Variants in FAAH2 observed in about 807,000 individuals in gnomAD.
FAAH2 encodes fatty acid amide hydrolase 2.
In FAAH2, 60 loss-of-function variants were observed where a neutral mutation model predicts 36.9. The observed-to-expected ratio is 1.63, with a 90% confidence interval of 1.32 to 2.02. The LOEUF is 2.02. Ranked by LOEUF, FAAH2 falls within the 30% of genes most tolerant of loss-of-function variation. FAAH2 has a pLI of 0.00. For missense variants in FAAH2, 689 were observed against 397.5 expected (o/e 1.73, Z -6.23); for synonymous variants, 214 against 143.8 (o/e 1.49, Z -3.49).
intron 6 of FAAH2, among the ~76,000 whole-genome samples, chrX:57,379,402 C>T (rs993024126): frequency 1.8e-5 from 2 of 110,689 alleles, no homozygotes; most frequent in Non-Finnish European, 3.8e-5. Flanking sequence ...AATATCTTTC[C>T]ATTTTGCTTT....
chrX:57,452,623 G>A (rs1378536326), intron 10 of FAAH2, among the ~76,000 whole-genome samples: 2 of 112,196 alleles, frequency 1.8e-5, no homozygotes, highest in South Asian at 3.7e-4. Context: ...TGCACAAAAT[G>A]CATAATTATT....
At chrX:57,398,298 A>C (rs1397356528) in intron 7 of FAAH2, among the ~76,000 whole-genome samples, 1 of 112,128 alleles carries the variant, frequency 8.9e-6, no homozygotes, top group African/African-American at 3.2e-5. Context: ...TTTCACATTG[A>C]ACTTGGATAA....
Position 57,297,171 on chromosome X carries a change from A to C in FAAH2, c.275+4591A>C, listed in dbSNP as rs969272793. Among the ~76,000 whole-genome samples the C allele has an allele frequency of 3.8e-5, 4 of 105,967 alleles. No individual in the cohort carries two copies. In the East Asian group the frequency reaches 9.1e-4, roughly 24 times the overall value. 92.0% of individuals were successfully genotyped at this position (105,967 alleles called of 115,157 possible). On this transcript the variant is annotated intron_variant, in intron 2 of 10. Coordinates refer to ENST00000374900, the MANE Select transcript of FAAH2 (RefSeq NM_174912.4). Reference sequence around the variant, plus strand: ...AATTGTCAGATTCACCAAAGTTGAAATGAAGGAAAAAATGTTAAGGGCAGC... The same window carrying C: ...AATTGTCAGATTCACCAAAGTTGAACTGAAGGAAAAAATGTTAAGGGCAGC...
chrX:57,189,042 C>T, the FAAH2 span, among the ~76,000 whole-genome samples: 8 of 111,472 alleles, frequency 7.2e-5, no homozygotes, highest in African/African-American at 9.7e-5. Flanking sequence ...TAGGTTTGGT[C>T]TTTTCACATA....
the FAAH2 span, among the ~76,000 whole-genome samples, chrX:57,228,506 C>T: frequency 2.7e-5 from 3 of 110,883 alleles, no homozygotes; most frequent in Non-Finnish European, 5.7e-5. Context: ...GGTTGTCTCC[C>T]GTGTCCTGCA....
chrX:57,477,734 G>A (rs182915406), intron 10 of FAAH2, among the ~76,000 whole-genome samples: 1 of 107,077 alleles, frequency 9.3e-6, no homozygotes, highest in Non-Finnish European at 1.9e-5. Flanking sequence ...GTGAGAACAT[G>A]CAGGGTTTGG....
the FAAH2 span, among the ~76,000 whole-genome samples, chrX:57,189,381 A>G: frequency 9.1e-6 from 1 of 110,142 alleles, no homozygotes; most frequent in Non-Finnish European, 1.9e-5. Flanking sequence ...TCTGAAGCCT[A>G]CTTCTTTCAA....
chrX:57,271,163 A>G, the FAAH2 span, among the ~76,000 whole-genome samples: 1 of 112,470 alleles, frequency 8.9e-6, no homozygotes, highest in Admixed American at 9.4e-5. Flanking sequence ...GGCATCTGCC[A>G]TTGCTGAGGC....
chrX:57,471,339 A>G (rs2057161368), intron 10 of FAAH2, among the ~76,000 whole-genome samples: 1 of 112,211 alleles, frequency 8.9e-6, no homozygotes, highest in South Asian at 3.7e-4. Context: ...TTGTAAATCT[A>G]GAAATCCCCA....
chrX:57,128,137 G>A, the FAAH2 span, among the ~76,000 whole-genome samples: 12 of 111,621 alleles, frequency 1.1e-4, no homozygotes, highest in African/African-American at 9.8e-5. Flanking sequence ...TATTTTGAGG[G>A]TTGATGGTGC....
chrX:57,165,431 A>C, the FAAH2 span, among the ~76,000 whole-genome samples: 1 of 111,417 alleles, frequency 9.0e-6, no homozygotes, highest in Non-Finnish European at 1.9e-5. Flanking sequence ...TCAGTAAACT[A>C]TCGCAAGAAC....
chrX:57,316,004 A>G (rs1275090947), intron 3 of FAAH2, among the ~76,000 whole-genome samples: 1 of 111,819 alleles, frequency 8.9e-6, no homozygotes, highest in Non-Finnish European at 1.9e-5. Context: ...AGAAAATCCT[A>G]AAGACTCCAT....
intron 2 of FAAH2, among the ~76,000 whole-genome samples, chrX:57,301,604 A>C (rs1417659816): frequency 3.4e-5 from 1 of 29,757 alleles, no homozygotes; most frequent in African/African-American, 8.6e-5. Context: ...CTAAAACTTA[A>C]AGTATAATAA....
chrX:57,341,762 T>TG, intron 5 of FAAH2, among the ~76,000 whole-genome samples: 1 of 111,456 alleles, frequency 9.0e-6, no homozygotes, highest in East Asian at 2.8e-4. Flanking sequence ...CAGGAGGCTG[T>TG]TTTCTATCCA....
the FAAH2 span, among the ~76,000 whole-genome samples, chrX:57,201,683 T>C: frequency 2.7e-5 from 3 of 111,484 alleles, no homozygotes; most frequent in East Asian, 8.5e-4. Context: ...GACATTTTTT[T>C]CTTTAGGTTT....
At chrX:57,383,789 C>T (rs2054926878) in intron 7 of FAAH2, among the ~76,000 whole-genome samples, 5 of 112,019 alleles carry the variant, frequency 4.5e-5, no homozygotes, top group Non-Finnish European at 7.5e-5. Flanking sequence ...TATCAAGCTA[C>T]CAATGACTTT....
the FAAH2 span, among the ~76,000 whole-genome samples, chrX:57,280,474 G>A: frequency 4.5e-5 from 5 of 109,955 alleles, no homozygotes; most frequent in Admixed American, 2.9e-4. Context: ...TAGGCCCTAG[G>A]GAAATGCAAA....
At chrX:57,403,116 C>G (rs1301176568) in intron 7 of FAAH2, among the ~76,000 whole-genome samples, 1 of 111,983 alleles carries the variant, frequency 8.9e-6, no homozygotes, top group African/African-American at 3.3e-5. Context: ...AGGAAAAAGG[C>G]ACATGCACTC....
chrX:57,147,222 T>A, the FAAH2 span, among the ~76,000 whole-genome samples: 1 of 112,049 alleles, frequency 8.9e-6, no homozygotes, highest in Non-Finnish European at 1.9e-5. Flanking sequence ...ATTTTTAAAT[T>A]GCCATTTCAA....
Sources: gnomAD v4.1 joint callset for allele counts (sites outside exome capture counted in the v4.1 genomes callset) on GRCh38, gnomAD v4.1.1 for gene constraint, MANE v1.5 for transcripts, NCBI Gene and HGNC (gene_info 2026-07-23, HGNC 2026-07-21) for gene names.